NDRG3: variants seen among roughly 807,000 people sequenced by gnomAD.
NDRG3 encodes the protein protein NDRG3.
In NDRG3, 23 loss-of-function variants were observed where a neutral mutation model predicts 57.2. That is an observed-to-expected ratio of 0.40 (90% CI 0.29 to 0.57). The LOEUF (loss-of-function observed/expected upper bound fraction) is 0.57, where lower values mean the gene tolerates loss of function less well. Ranked by LOEUF, NDRG3 falls within the 20% of genes least tolerant of loss-of-function variation. The pLI, the probability that NDRG3 is intolerant of heterozygous loss-of-function variation, is 0.42. For synonymous variants in NDRG3, 132 were observed against 162.6 expected, an observed-to-expected ratio of 0.81 and a Z score of 1.43; for missense variants, 384 against 457.3, an observed-to-expected ratio of 0.84 and a Z score of 1.46.
Position 36,687,467 on chromosome 20 carries a change from C to T in NDRG3, c.320+25G>A, listed in dbSNP as rs374488875. ...AGTTGCTCTACTGAGTGCACGTCTC[C>T]CAGATGATCTTTTCGTGGCCTTACC... is the stretch of plus-strand genomic sequence containing the variant. On this transcript the variant is annotated intron_variant, in intron 5 of 15. Transcript: ENST00000349004. 7.6e-5 allele frequency: 123 copies of T among 1,609,848 alleles called. No individual in the cohort carries two copies. In the African/African-American group the frequency reaches 1.4e-3, roughly 18 times the overall value.
rs183332998 is a variant in NDRG3, at chr20:36,677,422, C to G, written c.531+3394G>C. Among the ~76,000 whole-genome samples the G allele has an allele frequency of 2.4e-3, 371 of 152,314 alleles. 2 individuals are homozygous for G. The highest frequency in any genetic ancestry group is 3.5e-3 in the Non-Finnish European group (240 of 68,026). ...GCACCTCTTCCCGGCCTGCCCATGG[C>G]CGCCCATGGGCCAATCAGCATGCAC... On this transcript the variant is annotated intron_variant, in intron 8 of 15. Coordinates refer to ENST00000349004, the MANE Select transcript of NDRG3 (RefSeq NM_032013.4).
At chr20:36,741,384 A>C (rs1985921533) in intron 1 of NDRG3, among the ~76,000 whole-genome samples, 1 of 152,238 alleles carries the variant, frequency 6.6e-6, no homozygotes, top group Admixed American at 6.5e-5. Context: ...GGCATATAGC[A>C]GACACTCTAA....
At chr20:36,699,708 G>T (rs2148153845) in intron 3 of NDRG3, among the ~76,000 whole-genome samples, 1 of 152,170 alleles carries the variant, frequency 6.6e-6, no homozygotes, top group East Asian at 1.9e-4. Context: ...GTGTGTGTGT[G>T]TGTGTGGGTA....
intron 1 of NDRG3, among the ~76,000 whole-genome samples, chr20:36,727,731 C>T (rs1468705055): frequency 1.3e-5 from 2 of 151,580 alleles, no homozygotes; most frequent in Non-Finnish European, 2.9e-5. Context: ...TTAGTAGAGA[C>T]GGAGTTTCAC....
chr20:36,690,373 A>G (rs981674244), intron 3 of NDRG3, among the ~76,000 whole-genome samples: 3 of 151,860 alleles, frequency 2.0e-5, no homozygotes, highest in African/African-American at 7.3e-5. Flanking sequence ...AGCAGACAAA[A>G]GATGCACCGA....
chr20:36,667,687 G>A (rs568341029), intron 9 of NDRG3, among the ~76,000 whole-genome samples: 3 of 152,096 alleles, frequency 2.0e-5, no homozygotes, highest in Admixed American at 6.6e-5. Flanking sequence ...TGCATTGGAG[G>A]AAAGAAATAT....
intron 12 of NDRG3, among the ~76,000 whole-genome samples, chr20:36,661,116 C>T (rs1782011251): frequency 6.6e-6 from 1 of 152,134 alleles, no homozygotes; most frequent in African/African-American, 2.4e-5. Flanking sequence ...CCCTGGGCAC[C>T]TCCCTTACCT....
In NDRG3 at chr20:36,744,975, G is replaced by GA. The variant is rs909080973; in HGVS notation, c.-49+1069_-49+1070insT. The stretch of plus-strand genomic sequence containing the variant: ...CCCTGAGGGCCAGGGTAAGGGGGGG[G>GA]GGGGGCGCGGCGGGGGTGATCTGGA... On this transcript the variant is annotated intron_variant, in intron 1 of 15. Coordinates refer to ENST00000349004, the MANE Select transcript of NDRG3 (RefSeq NM_032013.4). 3.0e-4 allele frequency among the ~76,000 whole-genome samples: 46 copies of GA among 151,618 alleles called. 3 individuals carry two copies. Among genetic ancestry groups the GA allele is most frequent in the Non-Finnish European group, 6.3e-4 (43 of 67,778 alleles).
chr20:36,724,012 T>C (rs1011437926), intron 1 of NDRG3, among the ~76,000 whole-genome samples: 2 of 152,070 alleles, frequency 1.3e-5, no homozygotes, highest in African/African-American at 4.8e-5. Flanking sequence ...CGGCCTAGTG[T>C]ACTATATTAA....
intron 8 of NDRG3, among the ~76,000 whole-genome samples, chr20:36,678,894 C>T (rs143076455): frequency 3.0e-4 from 45 of 152,320 alleles, no homozygotes; most frequent in East Asian, 2.1e-3. Context: ...GAAACTTTCA[C>T]GCACTGCTGT....
Position 36,720,538 on chromosome 20 carries a change from G to A in NDRG3, c.57+1141C>T, listed in dbSNP as rs747463172. 4.3e-4 allele frequency among the ~76,000 whole-genome samples: 65 copies of A among 152,048 alleles called. 2 individuals carry two copies. Among genetic ancestry groups the A allele is most frequent in the Admixed American group, 1.3e-4 (2 of 15,238 alleles). ...GTGGTCATCAACTGTGGTCTCATCT[G>A]CTCCTTGTGTAGTTCTCTGACACTA... On this transcript the variant is annotated intron_variant, in intron 2 of 15. Transcript: ENST00000349004.
chr20:36,733,192 AT>A (rs1457597655), intron 1 of NDRG3, among the ~76,000 whole-genome samples: 3 of 70,176 alleles, frequency 4.3e-5, no homozygotes, highest in African/African-American at 1.7e-4. Flanking sequence ...ATATATATAT[AT>A]ATATATATAT....
chr20:36,693,837 G>A (rs962984390), intron 3 of NDRG3, among the ~76,000 whole-genome samples: 13 of 151,744 alleles, frequency 8.6e-5, no homozygotes, highest in African/African-American at 3.1e-4. Flanking sequence ...ATGGTGAGTT[G>A]CACGATTATT....
At chr20:36,728,081 T>A (rs1985053500) in intron 1 of NDRG3, among the ~76,000 whole-genome samples, 1 of 149,184 alleles carries the variant, frequency 6.7e-6, no homozygotes, top group Non-Finnish European at 1.5e-5. Flanking sequence ...TGAGATGGAG[T>A]CTCGCTGTGT....
chr20:36,676,286 A>G (rs923924126), intron 8 of NDRG3, among the ~76,000 whole-genome samples: 1 of 152,212 alleles, frequency 6.6e-6, no homozygotes, highest in Non-Finnish European at 1.5e-5. Flanking sequence ...TGAGATTAAC[A>G]GATTAGGCAT....
intron 1 of NDRG3, among the ~76,000 whole-genome samples, chr20:36,745,340 C>T (rs1367630480): frequency 1.3e-5 from 2 of 152,124 alleles, no homozygotes; most frequent in Admixed American, 6.5e-5. Context: ...CCTACTTTTA[C>T]GACGTTCGAG....
At chr20:36,693,105 A>AATATATATAT (rs1290033865) in intron 3 of NDRG3, among the ~76,000 whole-genome samples, 82 of 25,830 alleles carry the variant, frequency 3.2e-3, no homozygotes, top group Middle Eastern at 0.045. Context: ...AAAAAAAAAA[A>AATATATATAT]ATATATATAT....
intron 1 of NDRG3, among the ~76,000 whole-genome samples, chr20:36,729,302 G>A (rs955951253): frequency 1.3e-5 from 2 of 152,202 alleles, no homozygotes; most frequent in African/African-American, 2.4e-5. Flanking sequence ...AGAGAAAAGA[G>A]AAATGAAGTT....
At chr20:36,664,664 G>A (rs1401784169) in intron 12 of NDRG3, among the ~76,000 whole-genome samples, 5 of 152,084 alleles carry the variant, frequency 3.3e-5, no homozygotes, top group African/African-American at 1.2e-4. Flanking sequence ...AGTATTTACC[G>A]ACTGTTTCTA....
Sources: gnomAD v4.1 joint callset for allele counts (sites outside exome capture counted in the v4.1 genomes callset) on GRCh38, gnomAD v4.1.1 for gene constraint, MANE v1.5 for transcripts, NCBI Gene and HGNC (gene_info 2026-07-23, HGNC 2026-07-21) for gene names.